The following SLC39A11 variants were observed in gnomAD, a reference collection of about 807,000 sequenced individuals.
SLC39A11 encodes solute carrier family 39 member 11, also known as zinc transporter ZIP11.
A neutral mutation model predicts 36.1 loss-of-function variants in SLC39A11; 33 were observed. That is an observed-to-expected ratio of 0.91 (90% CI 0.69 to 1.22). The LOEUF (loss-of-function observed/expected upper bound fraction) is 1.22. Among genes scored for constraint, SLC39A11 ranks in the 50% most tolerant of loss-of-function variants. SLC39A11 has a pLI of 0.00. For missense variants in SLC39A11, 432 were observed against 430.3 expected (o/e 1.00, Z -0.03); for synonymous variants, 166 against 170.3 (o/e 0.97, Z 0.20).
intron 6 of SLC39A11, among the ~76,000 whole-genome samples, chr17:72,805,794 G>A (rs1200435228): frequency 1.3e-5 from 2 of 151,242 alleles, no homozygotes; most frequent in Non-Finnish European, 2.9e-5. Context: ...TGTTACCCAG[G>A]CTGGAGTGTA....
At chr17:72,900,140 AAAAG>A (rs141681340) in intron 5 of SLC39A11, among the ~76,000 whole-genome samples, 9,540 of 43,798 alleles carry the variant, frequency 0.22, 1,413 homozygotes, top group African/African-American at 0.44. Context: ...GAAAGAAAGA[AAAAG>A]AAAGAAAGAA....
In SLC39A11 at chr17:73,008,246, C is replaced by T. The variant is rs148119244; in HGVS notation, c.306+23310G>A. On this transcript the variant is annotated intron_variant, in intron 4 of 9. Coordinates refer to ENST00000255559, the MANE Select transcript of SLC39A11 (RefSeq NM_139177.4). ...CTTGCTTTAAGCAATCCTCCAGCCT[C>T]ACAGCATCCCTAGTAGCTGGGACTA... Among the ~76,000 whole-genome samples the T allele has an allele frequency of 1.3e-3, 196 of 148,232 alleles. 1 individual carries two copies. Among genetic ancestry groups the T allele is most frequent in the African/African-American group, 4.6e-3 (185 of 40,586 alleles).
rs182227085 is a variant in SLC39A11, at chr17:72,905,702, T to A, written c.430+42050A>T. Among the ~76,000 whole-genome samples the A allele has an allele frequency of 1.1e-3, 164 of 151,350 alleles. 1 individual carries two copies. Among genetic ancestry groups the A allele is most frequent in the Middle Eastern group, 3.5e-3 (1 of 288 alleles). On this transcript the variant is annotated intron_variant, in intron 5 of 9. Coordinates refer to ENST00000255559, the MANE Select transcript of SLC39A11 (RefSeq NM_139177.4). ...AACCTCGTGGGCTCTACCCAACATC[T>A]ACTGTCAACCCTGACCCCTGCAACT...
At chr17:72,874,724 G>A (rs1258010805) in intron 5 of SLC39A11, among the ~76,000 whole-genome samples, 2 of 152,216 alleles carry the variant, frequency 1.3e-5, no homozygotes, top group African/African-American at 4.8e-5. Context: ...TATCCTTGAT[G>A]GAGAGGAGGA....
intron 7 of SLC39A11, among the ~76,000 whole-genome samples, chr17:72,670,196 CACACACACACACACACATAT>C (rs1292074086): frequency 1.1e-4 from 10 of 90,562 alleles, no homozygotes; most frequent in African/African-American, 3.1e-4. Context: ...CACACACACA[CACACACACACACACACATAT>C]ATATATATGC....
chr17:72,977,961 C>T (rs1047610705), intron 4 of SLC39A11, among the ~76,000 whole-genome samples: 1 of 152,334 alleles, frequency 6.6e-6, no homozygotes. Context: ...GGAATAGCAA[C>T]CAGCAGTGAG....
At chr17:72,732,413 C>T (rs1449006485) in intron 7 of SLC39A11, among the ~76,000 whole-genome samples, 1 of 152,190 alleles carries the variant, frequency 6.6e-6, no homozygotes. Flanking sequence ...ACGTCTCTTT[C>T]CTGTACAAAG....
At chr17:72,671,777 G>A (rs747428818) in intron 7 of SLC39A11, among the ~76,000 whole-genome samples, 2 of 152,034 alleles carry the variant, frequency 1.3e-5, no homozygotes, top group African/African-American at 2.4e-5. Flanking sequence ...TAAATCATAA[G>A]ACAAATACTG....
chr17:72,965,996 A>T (rs2086944640), intron 4 of SLC39A11, among the ~76,000 whole-genome samples: 1 of 152,236 alleles, frequency 6.6e-6, no homozygotes, highest in Non-Finnish European at 1.5e-5. Context: ...AAATGGCTCC[A>T]ACCCCTCCCC....
At chr17:73,037,737 C>T (rs1454704849) in intron 3 of SLC39A11, among the ~76,000 whole-genome samples, 2 of 152,156 alleles carry the variant, frequency 1.3e-5, no homozygotes, top group East Asian at 3.8e-4. Flanking sequence ...GCAGGGGCCT[C>T]GCTGTACCCC....
At chr17:72,664,885 C>T (rs951226013) in intron 7 of SLC39A11, among the ~76,000 whole-genome samples, 4 of 152,196 alleles carry the variant, frequency 2.6e-5, no homozygotes, top group African/African-American at 4.8e-5. Context: ...CTCTTCCTAG[C>T]TCCAGCTACA....
intron 8 of SLC39A11, 97 bp from the exon 9 acceptor site, chr17:72,649,058 G>C: frequency 1.3e-6 from 2 of 1,541,906 alleles, no homozygotes; most frequent in Non-Finnish European, 1.8e-6. Flanking sequence ...ATGGATGCAT[G>C]CCATTCTACG....
chr17:72,707,997 A>G (rs896024682), intron 7 of SLC39A11, among the ~76,000 whole-genome samples: 5 of 152,234 alleles, frequency 3.3e-5, no homozygotes, highest in Non-Finnish European at 7.3e-5. Flanking sequence ...TGTACCAGAC[A>G]TGGTAGTCAA....
intron 5 of SLC39A11, among the ~76,000 whole-genome samples, chr17:72,927,145 C>A (rs1395628239): frequency 1.3e-5 from 2 of 152,176 alleles, no homozygotes; most frequent in African/African-American, 4.8e-5. Context: ...CTCCTGGGTG[C>A]AAGCAGTTCT....
intron 7 of SLC39A11, among the ~76,000 whole-genome samples, chr17:72,706,093 C>T (rs1004655561): frequency 6.6e-6 from 1 of 152,158 alleles, no homozygotes; most frequent in Non-Finnish European, 1.5e-5. Flanking sequence ...GTGTTTGGGA[C>T]CTGCTGGAAC....
intron 6 of SLC39A11, among the ~76,000 whole-genome samples, chr17:72,759,102 A>AAATAATAATAATAATAATAATAATAAT (rs776562987): frequency 7.4e-6 from 1 of 135,350 alleles, no homozygotes. Flanking sequence ...TTTCATCTAA[A>AAATAATAATAATAATAATAATAATAAT]AATAATAACA....
At chr17:72,740,699 G>A (rs767047875) in intron 6 of SLC39A11, among the ~76,000 whole-genome samples, 2 of 152,190 alleles carry the variant, frequency 1.3e-5, no homozygotes, top group African/African-American at 4.8e-5. Flanking sequence ...CACTTTTTAC[G>A]GGACTATGCA....
At chr17:72,961,496 C>T (rs943274730) in intron 4 of SLC39A11, among the ~76,000 whole-genome samples, 1 of 139,504 alleles carries the variant, frequency 7.2e-6, no homozygotes, top group Non-Finnish European at 1.6e-5. Flanking sequence ...CCCAAATGTC[C>T]ATCAATGACA....
At chr17:72,663,474 A>AC (rs1441299653) in intron 7 of SLC39A11, among the ~76,000 whole-genome samples, 1 of 152,050 alleles carries the variant, frequency 6.6e-6, no homozygotes, top group Non-Finnish European at 1.5e-5. Context: ...GCACCCTGAG[A>AC]CCCCCTCAAT....
Sources: gnomAD v4.1 joint callset for allele counts (sites outside exome capture counted in the v4.1 genomes callset) on GRCh38, gnomAD v4.1.1 for gene constraint, MANE v1.5 for transcripts, NCBI Gene and HGNC (gene_info 2026-07-23, HGNC 2026-07-21) for gene names.